Variants in CNBD1 observed in about 807,000 individuals in gnomAD.
CNBD1 encodes the protein cyclic nucleotide-binding domain-containing protein 1.
CNBD1 carries 71 observed loss-of-function variants against 54.4 expected under a neutral mutation model. That is an observed-to-expected ratio of 1.30 (90% CI 1.08 to 1.59). CNBD1 has a LOEUF of 1.59. CNBD1 is among the 40% of genes most tolerant of loss of function. CNBD1 has a pLI of 0.00. For synonymous variants in CNBD1, 182 were observed against 170.7 expected (o/e 1.07, Z -0.51); for missense variants, 659 against 518.0 (o/e 1.27, Z -2.64).
intron 5 of CNBD1, among the ~76,000 whole-genome samples, chr8:87,232,313 C>T (rs762619365): frequency 7.2e-5 from 11 of 152,162 alleles, no homozygotes; most frequent in Non-Finnish European, 1.2e-4. Context: ...CTGGGACATA[C>T]GTTAGATGTA....
At chr8:87,112,917 G>C (rs1469320579) in intron 4 of CNBD1, among the ~76,000 whole-genome samples, 1 of 152,144 alleles carries the variant, frequency 6.6e-6, no homozygotes, top group Non-Finnish European at 1.5e-5. Flanking sequence ...TGTGAGGCAG[G>C]GTTCTCAGAA....
chr8:87,092,563 A>ATG (rs138744320), intron 4 of CNBD1, among the ~76,000 whole-genome samples: 144,014 of 146,992 alleles, frequency 0.98, 70,537 homozygotes, highest in East Asian at 1. Flanking sequence ...ATATACACAT[A>ATG]TGTGTGTGTG....
chr8:87,249,771 G>C (rs1807876625), intron 6 of CNBD1, among the ~76,000 whole-genome samples: 1 of 152,110 alleles, frequency 6.6e-6, no homozygotes, highest in Non-Finnish European at 1.5e-5. Flanking sequence ...ATTCTCAGGA[G>C]TTAGTTTGAC....
intron 4 of CNBD1, among the ~76,000 whole-genome samples, chr8:86,973,390 T>C (rs1808268722): frequency 6.6e-6 from 1 of 152,232 alleles, no homozygotes; most frequent in Non-Finnish European, 1.5e-5. Context: ...ATTTATTTTA[T>C]TTGCATGATC....
intron 2 of CNBD1, among the ~76,000 whole-genome samples, chr8:87,411,247 A>G (rs1288641744): frequency 1.3e-5 from 2 of 151,618 alleles, no homozygotes; most frequent in Non-Finnish European, 1.5e-5. Context: ...TTTCTGGCAT[A>G]TAGTTGAAGC....
At chr8:87,405,026 T>C (rs902136137) in intron 2 of CNBD1, among the ~76,000 whole-genome samples, 5 of 152,014 alleles carry the variant, frequency 3.3e-5, no homozygotes, top group South Asian at 4.1e-4. Flanking sequence ...GTCATAAAAC[T>C]GCTATCTTAT....
intron 1 of CNBD1, among the ~76,000 whole-genome samples, chr8:86,876,926 T>C (rs1037471986): frequency 6.6e-6 from 1 of 152,064 alleles, no homozygotes; most frequent in Non-Finnish European, 1.5e-5. Flanking sequence ...TTTTGCTTTA[T>C]GAATTTTGAT....
rs73281261 is a variant in CNBD1 at position 87,077,578 on chromosome 8, G to T, written c.432-128415G>T. ...CTCCCCCCTCCCCCATCCCTCTACC[G>T]CATGACAGGCCCTGGTTTATGATGT... On this transcript the variant is annotated intron_variant, in intron 4 of 10. Coordinates refer to ENST00000518476, the MANE Select transcript of CNBD1 (RefSeq NM_173538.3). Among the ~76,000 whole-genome samples, 13 of 96,854 alleles carry T rather than the reference G, an allele frequency of 1.3e-4. No individual in the cohort carries two copies. In the Admixed American group the frequency reaches 2.2e-3, roughly 16 times the overall value. 63.5% of individuals were successfully genotyped at this position (96,854 alleles called of 152,430 possible).
intron 2 of CNBD1, among the ~76,000 whole-genome samples, chr8:87,408,324 C>T (rs887429227): frequency 6.6e-6 from 1 of 151,908 alleles, no homozygotes; most frequent in Non-Finnish European, 1.5e-5. Flanking sequence ...GTGCTGTCTC[C>T]ATTTCACCTT....
chr8:87,418,841 T>C (rs957996408), intron 2 of CNBD1, among the ~76,000 whole-genome samples: 22 of 151,894 alleles, frequency 1.4e-4, no homozygotes, highest in Non-Finnish European at 3.1e-4. Flanking sequence ...GAAACCCTTA[T>C]ACATAGCTGA....
intron 4 of CNBD1, among the ~76,000 whole-genome samples, chr8:87,018,802 C>T (rs1246594090): frequency 6.6e-6 from 1 of 152,018 alleles, no homozygotes; most frequent in Admixed American, 6.6e-5. Flanking sequence ...AAGAGGTAGG[C>T]ACGTAAGATT....
intron 4 of CNBD1, among the ~76,000 whole-genome samples, chr8:87,142,495 A>G (rs896827782): frequency 2.1e-4 from 32 of 152,152 alleles, no homozygotes; most frequent in African/African-American, 7.7e-4. Flanking sequence ...TATATAACTA[A>G]ACTGTAGTGT....
chr8:87,243,565 A>G (rs947242619), intron 6 of CNBD1, among the ~76,000 whole-genome samples: 2 of 152,138 alleles, frequency 1.3e-5, no homozygotes, highest in Non-Finnish European at 2.9e-5. Context: ...CATTCCTGGT[A>G]TGGTCTTACC....
chr8:86,892,751 T>C (rs1808792099), intron 2 of CNBD1, among the ~76,000 whole-genome samples: 1 of 152,162 alleles, frequency 6.6e-6, no homozygotes, highest in South Asian at 2.1e-4. Flanking sequence ...ATATTCGTTA[T>C]TAATTTTTGT....
In CNBD1 at chr8:87,155,055, C is replaced by CCAG. The variant is rs1812685464; in HGVS notation, c.432-50938_432-50937insCAG. 5.3e-5 allele frequency among the ~76,000 whole-genome samples: 8 copies of CCAG among 152,242 alleles called. No homozygotes were observed. In the South Asian group the frequency reaches 1.7e-3, roughly 32 times the overall value. On this transcript the variant is annotated intron_variant, in intron 4 of 10. Coordinates refer to ENST00000518476, the MANE Select transcript of CNBD1 (RefSeq NM_173538.3). ...GGGAAGATTTGCTCTAGTTCAGCAC[C>CCAG]ACCTGGGTCTGGGAGGGCAATTTTC...
At chr8:87,077,950 G>A (rs542083669) in intron 4 of CNBD1, among the ~76,000 whole-genome samples, 38 of 152,170 alleles carry the variant, frequency 2.5e-4, no homozygotes, top group African/African-American at 9.2e-4. Flanking sequence ...GGATCACTGG[G>A]TCAAATGGTA....
intron 2 of CNBD1, among the ~76,000 whole-genome samples, chr8:87,421,087 T>C (rs1807926135): frequency 4.6e-5 from 7 of 151,968 alleles, no homozygotes; most frequent in Admixed American, 3.9e-4. Context: ...TTCTCAATAG[T>C]AGATAGATAT....
chr8:87,011,074 C>A (rs1376804044), intron 4 of CNBD1, among the ~76,000 whole-genome samples: 2 of 151,918 alleles, frequency 1.3e-5, no homozygotes, highest in Non-Finnish European at 2.9e-5. Flanking sequence ...GTTGGAGAAT[C>A]TATGGCTCAT....
chr8:87,369,759 G>T (rs562925911), intron 10 of CNBD1, among the ~76,000 whole-genome samples: 1 of 151,582 alleles, frequency 6.6e-6, no homozygotes, highest in Admixed American at 6.6e-5. Flanking sequence ...AAGTTTTAGG[G>T]TACATGTGCA....
Sources: gnomAD v4.1 joint callset for allele counts (sites outside exome capture counted in the v4.1 genomes callset) on GRCh38, gnomAD v4.1.1 for gene constraint, MANE v1.5 for transcripts, NCBI Gene and HGNC (gene_info 2026-07-23, HGNC 2026-07-21) for gene names.